The following AGAP1 variants were observed in gnomAD, a reference collection of about 807,000 sequenced individuals.
AGAP1 encodes ArfGAP with GTPase domain, ankyrin repeat and PH domain 1, also known as arf-GAP with GTPase, ANK repeat and PH domain-containing protein 1.
AGAP1 carries 29 observed loss-of-function variants against 105.3 expected under a neutral mutation model. The ratio of observed to expected loss-of-function variants is 0.28; its 90% CI spans 0.21 to 0.38. The LOEUF (loss-of-function observed/expected upper bound fraction) is 0.38, where lower values mean the gene tolerates loss of function less well. AGAP1 is among the 10% of genes least tolerant of loss of function. The pLI is 1.00. For missense variants in AGAP1, 998 were observed against 1,165.1 expected, an observed-to-expected ratio of 0.86 and a Z score of 2.09; for synonymous variants, 509 against 485.9, an observed-to-expected ratio of 1.05 and a Z score of -0.63.
At position 235,689,566 on chromosome 2, in the gene AGAP1, C is replaced by T. The variant is rs1949638433; in HGVS notation, c.164-19613C>T. Among the ~76,000 whole-genome samples the T allele has an allele frequency of 6.6e-6, 1 of 151,692 alleles. No homozygotes were observed. Among genetic ancestry groups the T allele is most frequent in the Non-Finnish European group, 1.5e-5 (1 of 68,038 alleles). On this transcript the variant is annotated intron_variant, in intron 1 of 17. Transcript: ENST00000304032. This position sits in a 1 kb window ranked among gnomAD's most constrained non-coding sequence, Gnocchi z 4.2. ...TTCTGAAAGTCTTAAGTCTGTTTCTCAACTCCCCTCTTGTTTTCATTGTTT... is the reference window on the plus strand; with the variant it reads ...TTCTGAAAGTCTTAAGTCTGTTTCTTAACTCCCCTCTTGTTTTCATTGTTT...
intron 1 of AGAP1, among the ~76,000 whole-genome samples, chr2:235,571,001 G>C (rs78698011): frequency 1.3e-5 from 2 of 152,214 alleles, no homozygotes; most frequent in African/African-American, 4.8e-5. Context: ...TCAGCTTCAG[G>C]GTGGCCTCAG....
chr2:236,119,397 C>T lies in AGAP1; in HGVS notation c.2115-795C>T, dbSNP rs2059847983. ...TCTGGAGATTCCAAAAGCTGCATCT[C>T]CCTGCTAAACCTCCTCATTGGAGTC... On this transcript the variant is annotated intron_variant, in intron 16 of 17. Coordinates refer to ENST00000304032, the MANE Select transcript of AGAP1 (RefSeq NM_001037131.3). This position sits in a 1 kb window ranked among gnomAD's most constrained non-coding sequence, Gnocchi z 6.6. 6.6e-6 allele frequency among the ~76,000 whole-genome samples: 1 copy of T among 152,222 alleles called. No homozygotes were observed. The highest frequency in any genetic ancestry group is 2.1e-4 in the South Asian group (1 of 4,832).
intron 1 of AGAP1, chr2:235,670,163 A>T: frequency 1.7e-6 from 1 of 582,076 alleles, no homozygotes; most frequent in Non-Finnish European, 3.1e-6. Flanking sequence ...GCCGCGCGGG[A>T]CGCCCCCCAG....
chr2:235,675,593 A>G (rs1235679728), intron 1 of AGAP1, among the ~76,000 whole-genome samples: 2 of 152,220 alleles, frequency 1.3e-5, no homozygotes. Context: ...TGTTGTTACA[A>G]TTGAACATTC....
At chr2:235,768,190 C>A (rs1487114767) in intron 6 of AGAP1, among the ~76,000 whole-genome samples, 2 of 152,138 alleles carry the variant, frequency 1.3e-5, no homozygotes, top group Non-Finnish European at 2.9e-5. Context: ...TTATTGTTTT[C>A]ACCCTTTATT....
chr2:236,018,122 C>T (rs1210332383), intron 13 of AGAP1, among the ~76,000 whole-genome samples: 3 of 152,208 alleles, frequency 2.0e-5, no homozygotes, highest in African/African-American at 7.2e-5. Context: ...CACTAATGTA[C>T]AAACTTTTGT....
chr2:236,020,515 G>A lies in AGAP1; in HGVS notation c.1646-16046G>A, dbSNP rs187470691. Among the ~76,000 whole-genome samples, 15 of 152,278 alleles carry A rather than the reference G, an allele frequency of 9.9e-5. No individual in the cohort carries two copies. The highest frequency in any genetic ancestry group is 9.8e-4 in the Admixed American group (15 of 15,290). On this transcript the variant is annotated intron_variant, in intron 13 of 17. Transcript: ENST00000304032. This position sits in a 1 kb window ranked among gnomAD's most constrained non-coding sequence, Gnocchi z 5.0. ...TGAGCTGTGGAGTCACACACGCCTG[G>A]GTCTCATCCCCTCTCTGCCACTTCC...
Position 236,055,179 on chromosome 2 carries a change from G to T in AGAP1, c.2114+5898G>T, listed in dbSNP as rs971655469. 6.6e-6 allele frequency among the ~76,000 whole-genome samples: 1 copy of T among 152,170 alleles called. No homozygotes were observed. The highest frequency in any genetic ancestry group is 1.5e-5 in the Non-Finnish European group (1 of 68,040). On this transcript the variant is annotated intron_variant, in intron 16 of 17. Coordinates refer to ENST00000304032, the MANE Select transcript of AGAP1 (RefSeq NM_001037131.3). This position sits in a 1 kb window ranked among gnomAD's most constrained non-coding sequence, Gnocchi z 6.2. Reference sequence around the variant, plus strand: ...GATTCTATCATCCCGGATGCAGAGGGTTCAGGGAGCTGGGGGCTCGTTTGG... The same window carrying T: ...GATTCTATCATCCCGGATGCAGAGGTTTCAGGGAGCTGGGGGCTCGTTTGG...
chr2:235,516,850 C>A (rs1942410756), intron 1 of AGAP1, among the ~76,000 whole-genome samples: 1 of 152,196 alleles, frequency 6.6e-6, no homozygotes, highest in African/African-American at 2.4e-5. Context: ...TGGGTTGGTG[C>A]AGTGGGACTG....
Position 235,970,340 on chromosome 2 carries a change from A to G in AGAP1, c.1645+1717A>G, listed in dbSNP as rs577090058. Among the ~76,000 whole-genome samples, 2 of 152,308 alleles carry G rather than the reference A, an allele frequency of 1.3e-5. No individual in the cohort carries two copies. Among genetic ancestry groups the G allele is most frequent in the South Asian group, 4.1e-4 (2 of 4,830 alleles). On this transcript the variant is annotated intron_variant, in intron 13 of 17. Transcript: ENST00000304032. The surrounding 1 kb of genome is among the most constrained non-coding windows in gnomAD (Gnocchi z 5.4). ...ACAGATGCCACTGACCTTCCCACTGAAAACAGTATCAGCCGCAGGCGCTCT... is the reference window on the plus strand; with the variant it reads ...ACAGATGCCACTGACCTTCCCACTGGAAACAGTATCAGCCGCAGGCGCTCT...
chr2:235,811,360 G>A (rs1958130359), intron 9 of AGAP1, among the ~76,000 whole-genome samples: 1 of 152,220 alleles, frequency 6.6e-6, no homozygotes, highest in Non-Finnish European at 1.5e-5. Context: ...TGAAAATCAT[G>A]CTCAGTTTAT....
chr2:235,960,887 G>A lies in AGAP1; in HGVS notation c.1484-7575G>A, dbSNP rs2054155275. 6.6e-6 allele frequency among the ~76,000 whole-genome samples: 1 copy of A among 152,300 alleles called. No individual in the cohort carries two copies. The highest frequency in any genetic ancestry group is 2.1e-4 in the South Asian group (1 of 4,828). On this transcript the variant is annotated intron_variant, in intron 12 of 17. Transcript: ENST00000304032. This position sits in a 1 kb window ranked among gnomAD's most constrained non-coding sequence, Gnocchi z 4.9. ...TTGGAAACTCATAGGACAGTGGTTT[G>A]GCACAAAAGCGTGCTTGTGGCTGGT...
chr2:236,100,201 T>A (rs1029800091), intron 16 of AGAP1, among the ~76,000 whole-genome samples: 3 of 152,128 alleles, frequency 2.0e-5, no homozygotes, highest in Admixed American at 6.5e-5. Context: ...TAAGGTTCCT[T>A]TCTCACCAAG....
At position 236,101,720 on chromosome 2, in the gene AGAP1, A is replaced by G. The variant is rs556788824; in HGVS notation, c.2115-18472A>G. ...GCCGCTGTTATGGTGAACGGAATTC[A>G]CTGTGATGGCGGCTGCACCAGCAGA... On this transcript the variant is annotated intron_variant, in intron 16 of 17. Transcript: ENST00000304032. The surrounding 1 kb of genome is among the most constrained non-coding windows in gnomAD (Gnocchi z 4.9). Among the ~76,000 whole-genome samples the G allele has an allele frequency of 2.0e-4, 30 of 152,290 alleles. No homozygotes were observed. In the South Asian group the frequency reaches 5.6e-3, roughly 28 times the overall value.
chr2:236,039,820 A>G (rs2057492719), intron 14 of AGAP1, among the ~76,000 whole-genome samples: 1 of 152,254 alleles, frequency 6.6e-6, no homozygotes, highest in Non-Finnish European at 1.5e-5. Context: ...CTAAAAGAAC[A>G]GACATCAAAA....
chr2:235,859,071 C>T (rs563786323), intron 9 of AGAP1, among the ~76,000 whole-genome samples: 24 of 152,234 alleles, frequency 1.6e-4, no homozygotes, highest in East Asian at 5.8e-4. Flanking sequence ...GTACTGGTGC[C>T]GGGCACTAAT....
chr2:235,744,291 G>A lies in AGAP1; in HGVS notation c.397-407G>A, dbSNP rs192047105. On this transcript the variant is annotated intron_variant, in intron 4 of 17. Coordinates refer to ENST00000304032, the MANE Select transcript of AGAP1 (RefSeq NM_001037131.3). The surrounding 1 kb of genome is among the most constrained non-coding windows in gnomAD (Gnocchi z 5.2). The stretch of plus-strand genomic sequence containing the variant: ...GGGGTCCAGCAAGGCTTCCTTAAGA[G>A]GTTGAGAGTACAGTGGAAAGCCTTA... Among the ~76,000 whole-genome samples the A allele has an allele frequency of 8.2e-4, 125 of 152,318 alleles. 2 individuals are homozygous for A. The East Asian group carries it at 0.02, about 24-fold the overall frequency.
At chr2:236,006,211 T>G (rs2056317728) in intron 13 of AGAP1, among the ~76,000 whole-genome samples, 1 of 152,124 alleles carries the variant, frequency 6.6e-6, no homozygotes, top group Non-Finnish European at 1.5e-5. Flanking sequence ...CCCTTTGCCC[T>G]ACACCCCATC....
In AGAP1 at chr2:235,961,277, T is replaced by C. The variant is rs983393754; in HGVS notation, c.1484-7185T>C. 2.0e-5 allele frequency among the ~76,000 whole-genome samples: 3 copies of C among 152,220 alleles called. No individual in the cohort carries two copies. Among genetic ancestry groups the C allele is most frequent in the African/African-American group, 4.8e-5 (2 of 41,468 alleles). ...AGGCCTCTCTTGGGGCTTCCTCCTT[T>C]GGCTCCTGGAGTCTAAAACTTCCTG... On this transcript the variant is annotated intron_variant, in intron 12 of 17. Coordinates refer to ENST00000304032, the MANE Select transcript of AGAP1 (RefSeq NM_001037131.3). The surrounding 1 kb of genome is among the most constrained non-coding windows in gnomAD (Gnocchi z 5.9).
Sources: allele counts gnomAD v4.1 joint callset (sites outside exome capture counted in the v4.1 genomes callset), GRCh38; gene constraint gnomAD v4.1.1; non-coding constraint Gnocchi (gnomAD v3.1); transcripts MANE v1.5; gene names NCBI Gene and HGNC (gene_info 2026-07-23, HGNC 2026-07-21).